Variants in DAW1 observed in about 807,000 individuals in gnomAD.
DAW1 encodes the protein dynein assembly factor with WD repeats 1, also known as dynein assembly factor with WD repeat domains 1.
In DAW1, 47 loss-of-function variants were observed where a neutral mutation model predicts 56.5. The ratio of observed to expected loss-of-function variants is 0.83; its 90% CI spans 0.66 to 1.06. DAW1 has a LOEUF of 1.06. Among genes scored for constraint, DAW1 ranks in the 50% least tolerant of loss-of-function variants. The probability of loss-of-function intolerance (pLI) is 0.00; values close to 1 mark genes in which losing one functional copy is unlikely to be tolerated. For synonymous variants in DAW1, 190 were observed against 179.0 expected, an observed-to-expected ratio of 1.06 and a Z score of -0.49; for missense variants, 505 against 499.3, an observed-to-expected ratio of 1.01 and a Z score of -0.11.
rs142937712 is a variant in DAW1, at chr2:227,897,635, C to T, written c.441-547C>T. On this transcript the variant is annotated intron_variant, in intron 5 of 12. Coordinates refer to ENST00000309931, the MANE Select transcript of DAW1 (RefSeq NM_178821.3). ...GCCCCGCAGTCAATATGAGAAGCCT[C>T]TTAGTTGAAAGTGACTGAAGTCTTT... 3.3e-4 allele frequency among the ~76,000 whole-genome samples: 50 copies of T among 152,304 alleles called. No individual in the cohort carries two copies. In the East Asian group the frequency reaches 6.4e-3, roughly 19 times the overall value.
Position 227,915,242 on chromosome 2 carries a change from A to G in DAW1, c.974-3538A>G, listed in dbSNP as rs551735150. 9.9e-5 allele frequency among the ~76,000 whole-genome samples: 15 copies of G among 152,246 alleles called. No individual in the cohort carries two copies. In the East Asian group the frequency reaches 2.1e-3, roughly 22 times the overall value. On this transcript the variant is annotated intron_variant, in intron 10 of 12. Coordinates refer to ENST00000309931, the MANE Select transcript of DAW1 (RefSeq NM_178821.3). The stretch of plus-strand genomic sequence containing the variant: ...TTCATCCTTTACTTGATGATGATAT[A>G]TGATGCTATACTATGATTTTATTAT...
At chr2:227,902,309 G>C (rs184877171) in intron 6 of DAW1, among the ~76,000 whole-genome samples, 3 of 152,258 alleles carry the variant, frequency 2.0e-5, no homozygotes, top group Admixed American at 2.0e-4. Context: ...GCATCAGATA[G>C]ATAGGGGCTA....
At chr2:227,884,669 C>T (rs900249814) in intron 1 of DAW1, among the ~76,000 whole-genome samples, 17 of 152,116 alleles carry the variant, frequency 1.1e-4, no homozygotes, top group African/African-American at 3.1e-4. Context: ...GGTCACTTCC[C>T]GGCCTGATTA....
chr2:227,876,101 C>T (rs911343451), intron 1 of DAW1, among the ~76,000 whole-genome samples: 6 of 152,030 alleles, frequency 3.9e-5, no homozygotes, highest in East Asian at 1.9e-4. Context: ...CTGCAAGCTC[C>T]GCCTCCTGGG....
At chr2:227,873,281 C>T (rs1249049716) in intron 1 of DAW1, among the ~76,000 whole-genome samples, 1 of 152,228 alleles carries the variant, frequency 6.6e-6, no homozygotes, top group East Asian at 1.9e-4. Flanking sequence ...TTATATTTGT[C>T]ATCATCCAAA....
At chr2:227,901,129 T>C (rs1294191185) in intron 6 of DAW1, among the ~76,000 whole-genome samples, 1 of 152,150 alleles carries the variant, frequency 6.6e-6, no homozygotes, top group African/African-American at 2.4e-5. Flanking sequence ...GGGATCTTGC[T>C]GAAATCCACG....
intron 1 of DAW1, among the ~76,000 whole-genome samples, chr2:227,874,934 G>A (rs893259621): frequency 6.6e-6 from 1 of 151,418 alleles, no homozygotes; most frequent in African/African-American, 2.4e-5. Flanking sequence ...ATGCACTCCA[G>A]CCTGGGTGCC....
At position 227,906,300 on chromosome 2, in the gene DAW1, T is replaced by C. The variant is rs1398917340; in HGVS notation, c.820T>C (p.Ser274Pro). ...CAGTGCCTCATTCAATTGGGATTGC[T>C]CTCTAATATTAACTGGCTCTATGGA... The part of the protein sequence containing the change: ...ISSASFNWDC[S>P]LILTGSMDKT... The change falls in exon 9 of 13, where the codon TCT (serine) becomes CCT (proline). Residue 274 changes from serine (S) to proline (P), a missense_variant. Coordinates refer to ENST00000309931, the MANE Select transcript of DAW1 (RefSeq NM_178821.3). 1.2e-6 allele frequency: 2 copies of C among 1,612,880 alleles called. No homozygotes were observed. Among genetic ancestry groups the C allele is most frequent in the East Asian group, 2.2e-5 (1 of 44,846 alleles).
intron 10 of DAW1, chr2:227,912,367 C>T: frequency 7.7e-7 from 1 of 1,304,666 alleles, no homozygotes; most frequent in Non-Finnish European, 1.0e-6. Context: ...CGAGTTATGT[C>T]ACGTTCTTGG....
chr2:227,921,641 T>C (rs1344658028), intron 12 of DAW1, 80 bp downstream of exon 12: 44 of 1,426,190 alleles, frequency 3.1e-5, no homozygotes, highest in Non-Finnish European at 4.0e-5. Flanking sequence ...TAACAGGAGT[T>C]CATCCCCATT....
intron 10 of DAW1, among the ~76,000 whole-genome samples, chr2:227,911,005 A>G (rs12694759): frequency 0.85 from 129,254 of 151,708 alleles, 55,230 homozygotes; most frequent in Middle Eastern, 0.96. Flanking sequence ...CCCTGATAAC[A>G]TATAACACCG....
At chr2:227,877,064 T>C (rs2106184818) in intron 1 of DAW1, among the ~76,000 whole-genome samples, 1 of 152,340 alleles carries the variant, frequency 6.6e-6, no homozygotes, top group Admixed American at 6.5e-5. Flanking sequence ...CTTACCTAAG[T>C]GTTTTGGGAA....
chr2:227,911,327 TACATGTGTATATATAC>T (rs960964399), intron 10 of DAW1, among the ~76,000 whole-genome samples: 3 of 147,034 alleles, frequency 2.0e-5, no homozygotes, highest in African/African-American at 7.4e-5. Flanking sequence ...TATACATATA[TACATGTGTATATATAC>T]ACATGTGTAT....
At chr2:227,886,627 G>T (rs1235160945) in intron 2 of DAW1, among the ~76,000 whole-genome samples, 1 of 152,004 alleles carries the variant, frequency 6.6e-6, no homozygotes, top group Admixed American at 6.6e-5. Flanking sequence ...TAAAAAAAAA[G>T]AAAAGAAATC....
At chr2:227,891,362 G>C (rs1309878987) in intron 4 of DAW1, 49 bp downstream of exon 4, 1 of 1,504,496 alleles carries the variant, frequency 6.6e-7, no homozygotes. Context: ...ACAAATTTCT[G>C]TGTTTATTTA....
intron 10 of DAW1, among the ~76,000 whole-genome samples, chr2:227,915,466 T>A (rs1559314124): frequency 6.6e-6 from 1 of 152,108 alleles, no homozygotes; most frequent in Non-Finnish European, 1.5e-5. Context: ...CCATGTTTGA[T>A]GCTGGAAGAT....
Position 227,906,251 on chromosome 2 carries a change from A to C in DAW1, c.771A>C (p.Leu257Phe), listed in dbSNP as rs761786351. The C allele has an allele frequency of 6.2e-7, 1 of 1,612,200 alleles. No individual in the cohort carries two copies. Among genetic ancestry groups the C allele is most frequent in the South Asian group, 1.1e-5 (1 of 90,720 alleles). Residue 257 changes from leucine (L) to phenylalanine (F), a missense_variant, in exon 9 of 13, where the codon TTA becomes TTC. Physicochemically the swap from Leu to Phe is conservative, Grantham distance 22. Coordinates refer to ENST00000309931, the MANE Select transcript of DAW1 (RefSeq NM_178821.3). ...DADTGRKVNILIGHCAEISSA... is the reference protein window; with the variant it reads ...DADTGRKVNIFIGHCAEISSA... The stretch of plus-strand genomic sequence containing the variant: ...TGTGTTGTAGGAAGGTAAATATCTT[A>C]ATTGGTCATTGTGCTGAGATTAGCA...
chr2:227,921,497 T>G lies in DAW1; in HGVS notation c.1149T>G (p.Leu383=), dbSNP rs759259644. Residue 383 remains leucine, a synonymous_variant, in exon 12 of 13, where the codon CTT becomes CTG. Transcript: ENST00000309931. ...DAQTGQCLQV[L]EGHTDEIFSC... is the part of the protein sequence containing the mutation. ...AGACTGGCCAGTGCCTCCAGGTTCT[T>G]GAGGGGCACACTGATGAAATCTTTT... The G allele has an allele frequency of 1.9e-6, 3 of 1,613,914 alleles. No individual in the cohort carries two copies. Among genetic ancestry groups the G allele is most frequent in the East Asian group, 4.5e-5 (2 of 44,882 alleles).
chr2:227,882,795 A>C (rs905744584), intron 1 of DAW1, among the ~76,000 whole-genome samples: 2 of 152,184 alleles, frequency 1.3e-5, no homozygotes, highest in African/African-American at 4.8e-5. Context: ...TGATGGTTTT[A>C]TAATTGTTTG....
Sources: gnomAD v4.1 joint callset for allele counts (sites outside exome capture counted in the v4.1 genomes callset) on GRCh38, gnomAD v4.1.1 for gene constraint, MANE v1.5 for transcripts, NCBI Gene and HGNC (gene_info 2026-07-23, HGNC 2026-07-21) for gene names.